The following FKBP15 variants were observed in gnomAD, a reference collection of about 807,000 sequenced individuals.
FKBP15 encodes FK506-binding protein 15.
FKBP15 carries 106 observed loss-of-function variants against 158.1 expected under a neutral mutation model. The ratio of observed to expected loss-of-function variants is 0.67; its 90% CI spans 0.57 to 0.79. The LOEUF (loss-of-function observed/expected upper bound fraction) is 0.79. FKBP15 is among the 30% of genes least tolerant of loss of function. The probability of loss-of-function intolerance (pLI) is 0.00; values close to 1 mark genes in which losing one functional copy is unlikely to be tolerated. For missense variants in FKBP15, 1,287 were observed against 1,479.1 expected (o/e 0.87, Z 2.13); for synonymous variants, 547 against 548.6 (o/e 1.00, Z 0.04).
intron 2 of FKBP15, among the ~76,000 whole-genome samples, chr9:113,209,102 C>A (rs1830952993): frequency 6.6e-6 from 1 of 151,630 alleles, no homozygotes; most frequent in East Asian, 1.9e-4. Flanking sequence ...ACTGTATAGG[C>A]AATCTTGCTT....
intron 11 of FKBP15, among the ~76,000 whole-genome samples, chr9:113,193,192 T>C (rs1360598037): frequency 2.0e-5 from 3 of 152,194 alleles, no homozygotes; most frequent in East Asian, 1.9e-4. Flanking sequence ...TGAGGCTAAC[T>C]TACACTGACT....
chr9:113,170,660 A>C (rs760856077), intron 24 of FKBP15, 31 bp from the exon 25 acceptor site: 1 of 1,530,072 alleles, frequency 6.5e-7, no homozygotes, highest in Non-Finnish European at 9.1e-7. Flanking sequence ...ATGCTGTCAA[A>C]ATCAAGTCAC....
intron 1 of FKBP15, among the ~76,000 whole-genome samples, chr9:113,212,047 A>G (rs1016110484): frequency 1.3e-5 from 2 of 152,172 alleles, no homozygotes; most frequent in African/African-American, 4.8e-5. Flanking sequence ...AAATGAAGCT[A>G]TGATACAAAC....
At chr9:113,170,284 C>A (rs1257450927) in intron 25 of FKBP15, among the ~76,000 whole-genome samples, 2 of 152,112 alleles carry the variant, frequency 1.3e-5, no homozygotes, top group African/African-American at 2.4e-5. Context: ...TGCCACCATA[C>A]CCGGCTAATT....
Position 113,221,131 on chromosome 9 carries a change from C to G in FKBP15, c.53+60G>C, listed in dbSNP as rs1831246189. On this transcript the variant is annotated intron_variant, in intron 1 of 27. Coordinates refer to ENST00000238256, the MANE Select transcript of FKBP15 (RefSeq NM_015258.2). ...GGCCTGAGAAGAGATCGACCCCCCTCCAACAATCCGCCGGTATCTCTCAGC... is the reference window on the plus strand; with the variant it reads ...GGCCTGAGAAGAGATCGACCCCCCTGCAACAATCCGCCGGTATCTCTCAGC... 2.6e-6 allele frequency: 4 copies of G among 1,531,698 alleles called. No homozygotes were observed. In the Admixed American group the frequency reaches 7.6e-5, roughly 29 times the overall value. 94.9% of individuals were successfully genotyped at this position (1,531,698 alleles called of 1,614,324 possible).
In FKBP15 at chr9:113,206,524, G is replaced by T; in HGVS notation, c.309C>A (p.Asn103Lys). 6.2e-7 allele frequency: 1 copy of T among 1,613,796 alleles called. No homozygotes were observed. Among genetic ancestry groups the T allele is most frequent in the Non-Finnish European group, 8.5e-7 (1 of 1,179,800 alleles). ...QGKFGAAVLG[N>K]HTAREYRILL... ...GCACTCTCACCTCTCTGGCTGTGTG[G>T]TTCCCCAGAACTGCAGCACCAAATT... Residue 103 changes from asparagine (N) to lysine (K), a missense_variant, in exon 4 of 28, where the codon AAC (asparagine) becomes AAA (lysine). Asn to Lys is a moderately conservative substitution (Grantham distance 94, BLOSUM62 0). Transcript: ENST00000238256.
Position 113,170,521 on chromosome 9 carries a change from C to G in FKBP15, c.2766+1G>C, listed in dbSNP as rs1256316287. The stretch of plus-strand genomic sequence containing the variant: ...AACAAATGACAGCTGGCTGGCTGTA[C>G]CTTGATCGTATTCATGATGGTTCCC... On this transcript the variant is annotated splice_donor_variant, in intron 25 of 27. Coordinates refer to ENST00000238256, the MANE Select transcript of FKBP15 (RefSeq NM_015258.2). LOFTEE classifies it high-confidence loss of function. The G allele has an allele frequency of 3.1e-6, 5 of 1,602,670 alleles. No homozygotes were observed. Among genetic ancestry groups the G allele is most frequent in the Non-Finnish European group, 4.3e-6 (5 of 1,169,698 alleles).
intron 21 of FKBP15, among the ~76,000 whole-genome samples, chr9:113,175,471 G>A (rs1830284966): frequency 6.6e-6 from 1 of 152,184 alleles, no homozygotes; most frequent in Non-Finnish European, 1.5e-5. Context: ...TTTACCTAAT[G>A]AGATTTACTG....
At chr9:113,191,353 C>T (rs938751554) in intron 11 of FKBP15, among the ~76,000 whole-genome samples, 14 of 151,976 alleles carry the variant, frequency 9.2e-5, no homozygotes, top group Non-Finnish European at 1.8e-4. Flanking sequence ...GAAAGGGCTT[C>T]GCCATGTTGC....
intron 2 of FKBP15, among the ~76,000 whole-genome samples, chr9:113,208,469 G>A (rs1830937493): frequency 1.3e-5 from 2 of 152,200 alleles, no homozygotes; most frequent in African/African-American, 4.8e-5. Context: ...TAATACTGAT[G>A]CGGACATGAC....
In FKBP15 at chr9:113,199,874, A is replaced by C. The variant is rs759389379; in HGVS notation, c.588T>G (p.Val196=). The C allele has an allele frequency of 5.6e-6, 9 of 1,613,280 alleles. No homozygotes were observed. The highest frequency in any genetic ancestry group is 6.8e-6 in the Non-Finnish European group (8 of 1,179,624). Residue 196 remains valine (V), a synonymous_variant, in exon 7 of 28, where the codon GTT becomes GTG. Coordinates refer to ENST00000238256, the MANE Select transcript of FKBP15 (RefSeq NM_015258.2). ...TATAGGCCACTTCCAAAGAATCTCCAACTTCTACAGCAGGGCCGTCTGCCA... is the reference window on the plus strand; with the variant it reads ...TATAGGCCACTTCCAAAGAATCTCCCACTTCTACAGCAGGGCCGTCTGCCA... ...LIVADGPAVE[V]GDSLEVAYTG...
At chr9:113,173,895 C>G (rs1223231079) in intron 22 of FKBP15, among the ~76,000 whole-genome samples, 1 of 152,134 alleles carries the variant, frequency 6.6e-6, no homozygotes, top group Non-Finnish European at 1.5e-5. Context: ...GAACCCTAAA[C>G]TTTATAGGTT....
intron 2 of FKBP15, among the ~76,000 whole-genome samples, chr9:113,208,448 G>A (rs1261973790): frequency 6.6e-6 from 1 of 152,214 alleles, no homozygotes; most frequent in Non-Finnish European, 1.5e-5. Flanking sequence ...TGTGATGGAA[G>A]AGTAGTGAGA....
rs1490163786 is a variant in FKBP15 at position 113,202,601 on chromosome 9, T to C, written c.428A>G (p.Tyr143Cys). The change falls in exon 6 of 28, where the codon TAT becomes TGT. Residue 143 changes from tyrosine (Y) to cysteine (C), a missense_variant. Physicochemically the swap from Tyr to Cys is radical, Grantham distance 194. Coordinates refer to ENST00000238256, the MANE Select transcript of FKBP15 (RefSeq NM_015258.2). Reference protein sequence around the residue: ...MVRPNNYSTFYDDQRQNWSIM... With the variant: ...MVRPNNYSTFCDDQRQNWSIM... The stretch of plus-strand genomic sequence containing the variant: ...GGACCAGTTCTGTCTCTGGTCATCA[T>C]AAAAGGTGCTATAGTTATTGGGCCG... The C allele has an allele frequency of 6.3e-7, 1 of 1,576,596 alleles. No individual in the cohort carries two copies. Among genetic ancestry groups the C allele is most frequent in the Non-Finnish European group, 8.6e-7 (1 of 1,159,810 alleles).
At chr9:113,211,283 CT>C (rs1307951794) in intron 2 of FKBP15, among the ~76,000 whole-genome samples, 193 bp downstream of exon 2, 7 of 152,128 alleles carry the variant, frequency 4.6e-5, no homozygotes, top group African/African-American at 9.7e-5. Context: ...CTCAGCCCCC[CT>C]AGTAGCTGGG....
At chr9:113,210,137 T>C (rs1830971228) in intron 2 of FKBP15, among the ~76,000 whole-genome samples, 1 of 152,130 alleles carries the variant, frequency 6.6e-6, no homozygotes, top group South Asian at 2.1e-4. Context: ...TTCGAACCTC[T>C]CCATCAGTTC....
At chr9:113,167,389 G>T (rs1315568883) in intron 27 of FKBP15, among the ~76,000 whole-genome samples, 3 of 152,058 alleles carry the variant, frequency 2.0e-5, no homozygotes, top group Non-Finnish European at 4.4e-5. Flanking sequence ...TATATTTAGG[G>T]CAGTCACTTA....
At chr9:113,209,036 G>T (rs1424747080) in intron 2 of FKBP15, among the ~76,000 whole-genome samples, 1 of 147,792 alleles carries the variant, frequency 6.8e-6, no homozygotes, top group Non-Finnish European at 1.5e-5. Context: ...AAATTCCCTT[G>T]AACAGAGAGG....
chr9:113,217,195 C>T (rs1261112767), intron 1 of FKBP15, among the ~76,000 whole-genome samples: 47 of 144,548 alleles, frequency 3.3e-4, no homozygotes, highest in Non-Finnish European at 5.9e-4. Context: ...TGAGCCACCA[C>T]GCCCAGTTTT....
Sources: allele counts gnomAD v4.1 joint callset (sites outside exome capture counted in the v4.1 genomes callset), GRCh38; gene constraint gnomAD v4.1.1; transcripts MANE v1.5; gene names NCBI Gene and HGNC (gene_info 2026-07-23, HGNC 2026-07-21).